Variants in TNFRSF11A observed in about 807,000 individuals in gnomAD.
The protein encoded by TNFRSF11A is tumor necrosis factor receptor superfamily member 11A.
TNFRSF11A carries 32 observed loss-of-function variants against 55.7 expected under a neutral mutation model. That is an observed-to-expected ratio of 0.57 (90% CI 0.43 to 0.77). The LOEUF (loss-of-function observed/expected upper bound fraction) is 0.77, where lower values mean the gene tolerates loss of function less well. Among genes scored for constraint, TNFRSF11A ranks in the 30% least tolerant of loss-of-function variants. TNFRSF11A has a pLI of 0.00. For missense variants in TNFRSF11A, 753 were observed against 809.8 expected, an observed-to-expected ratio of 0.93 and a Z score of 0.85; for synonymous variants, 311 against 331.0, an observed-to-expected ratio of 0.94 and a Z score of 0.65.
chr18:62,339,930 C>T (rs1476444443), intron 1 of TNFRSF11A, among the ~76,000 whole-genome samples: 1 of 152,086 alleles, frequency 6.6e-6, no homozygotes, highest in South Asian at 2.1e-4. Flanking sequence ...TAGAAGCTGA[C>T]CAGCTGTGAT....
At chr18:62,359,499 C>T (rs6567268) in intron 5 of TNFRSF11A, among the ~76,000 whole-genome samples, 44,857 of 152,006 alleles carry the variant, frequency 0.3, 6,975 homozygotes, top group Middle Eastern at 0.44. Context: ...CCTGCCTTTG[C>T]CTCCACAGTA....
chr18:62,336,690 A>G (rs1393398525), intron 1 of TNFRSF11A: 1 of 152,296 alleles, frequency 6.6e-6, no homozygotes, highest in Non-Finnish European at 1.5e-5. Context: ...GCATCGTAAC[A>G]TAAGGACAAG....
chr18:62,350,258 T>G (rs1233789754), intron 3 of TNFRSF11A, among the ~76,000 whole-genome samples: 1 of 152,214 alleles, frequency 6.6e-6, no homozygotes. Context: ...GTAGCCATAC[T>G]TATCCCTTTT....
At position 62,385,356 on chromosome 18, in the gene TNFRSF11A, C is replaced by CTA. The variant is rs200323455; in HGVS notation, c.*323_*324insAT. 0.19 allele frequency: 44,969 copies of CTA among 232,132 alleles called. 6,650 individuals carry two copies. Among genetic ancestry groups the CTA allele is most frequent in the Non-Finnish European group, 0.23 (26,974 of 118,648 alleles). 14.4% of individuals were successfully genotyped at this position (232,132 alleles called of 1,614,324 possible). On this transcript the variant is annotated 3_prime_UTR_variant, in exon 10 of 10. Coordinates refer to ENST00000586569, the MANE Select transcript of TNFRSF11A (RefSeq NM_003839.4). ...TATCCTGTTCTGTGGGGGGGGGGGT[C>CTA]TGTTTTCCCCCCATATTTGTATTCC... is the stretch of plus-strand genomic sequence containing the variant.
intron 9 of TNFRSF11A, chr18:62,373,869 ACT>A (rs1225762193): frequency 6.6e-6 from 1 of 152,064 alleles, no homozygotes; most frequent in Non-Finnish European, 1.5e-5. Flanking sequence ...CCCTGGTCCC[ACT>A]CTCTCTTGAA....
In TNFRSF11A at chr18:62,348,359, T is replaced by C. The variant is rs1443345985; in HGVS notation, c.157+110T>C. On this transcript the variant is annotated intron_variant, in intron 2 of 9. Coordinates refer to ENST00000586569, the MANE Select transcript of TNFRSF11A (RefSeq NM_003839.4). The stretch of plus-strand genomic sequence containing the variant: ...AAGAAATTGGATAGACGCGTTATGG[T>C]AGTGGCAGGTGGTAATGTCTGTCAC... 1.0e-5 allele frequency: 9 copies of C among 901,588 alleles called. No homozygotes were observed. In the East Asian group the frequency reaches 2.3e-4, roughly 23 times the overall value. 55.8% of individuals were successfully genotyped at this position (901,588 alleles called of 1,614,324 possible).
rs745445366 is a variant in TNFRSF11A at position 62,349,874 on chromosome 18, G to A, written c.220G>A (p.Asp74Asn). 6.2e-7 allele frequency: 1 copy of A among 1,614,156 alleles called. No individual in the cohort carries two copies. The highest frequency in any genetic ancestry group is 1.7e-5 in the Admixed American group (1 of 60,024). ...CAGTGTATGTCTGCCCTGTGGCCCG[G>A]ATGAATACTTGGATAGCTGGAATGA... ...SDSVCLPCGP[D>N]EYLDSWNEED... The change falls in exon 3 of 10, where the codon GAT becomes AAT. Residue 74 changes from aspartate (D) to asparagine (N), a missense_variant. Asp to Asn is a conservative substitution (Grantham distance 23). Transcript: ENST00000586569.
At chr18:62,332,724 C>G (rs1600347811) in intron 1 of TNFRSF11A, among the ~76,000 whole-genome samples, 1 of 150,548 alleles carries the variant, frequency 6.6e-6, no homozygotes, top group Non-Finnish European at 1.5e-5. Flanking sequence ...TCTTTGTAAA[C>G]TTTTTTTTTT....
intron 1 of TNFRSF11A, among the ~76,000 whole-genome samples, chr18:62,347,050 G>A (rs1268769429): frequency 1.3e-5 from 2 of 152,200 alleles, no homozygotes; most frequent in Non-Finnish European, 2.9e-5. Flanking sequence ...TATCCTGGAA[G>A]GCTGATTACT....
At chr18:62,339,435 T>G (rs1442656374) in intron 1 of TNFRSF11A, among the ~76,000 whole-genome samples, 32 of 152,226 alleles carry the variant, frequency 2.1e-4, no homozygotes, top group Non-Finnish European at 1.5e-5. Flanking sequence ...GACACCAGTC[T>G]GAGGCCAGGG....
intron 1 of TNFRSF11A, among the ~76,000 whole-genome samples, chr18:62,338,694 T>A (rs1210274228): frequency 2.0e-5 from 3 of 152,268 alleles, no homozygotes; most frequent in Non-Finnish European, 4.4e-5. Flanking sequence ...TAGTTAACGG[T>A]TACAGAGATT....
At position 62,390,289 on chromosome 18, in the gene TNFRSF11A, A is replaced by G. The variant is rs1247300745; in HGVS notation, c.*5255A>G. Reference sequence around the variant, plus strand: ...AAGTTGTCATCTTCTGACATGACACACTGAGGGAAGTAGACTTACCCAATA... The same window carrying G: ...AAGTTGTCATCTTCTGACATGACACGCTGAGGGAAGTAGACTTACCCAATA... On this transcript the variant is annotated 3_prime_UTR_variant, in exon 10 of 10. Transcript: ENST00000586569. 6.6e-6 allele frequency: 1 copy of G among 152,270 alleles called. No homozygotes were observed. Among genetic ancestry groups the G allele is most frequent in the African/African-American group, 2.4e-5 (1 of 41,458 alleles). The allele number at this position is 152,270 out of a possible 1,614,324, so 9.4% of individuals were successfully genotyped here.
Position 62,389,788 on chromosome 18 carries a change from G to C in TNFRSF11A, c.*4754G>C, listed in dbSNP as rs527774888. 6.6e-4 allele frequency: 100 copies of C among 152,304 alleles called. No homozygotes were observed. Among genetic ancestry groups the C allele is most frequent in the African/African-American group, 2.3e-3 (97 of 41,568 alleles). The allele number at this position is 152,304 out of a possible 1,614,324, so 9.4% of individuals were successfully genotyped here. A position where few individuals can be genotyped will look rare whatever the true frequency, so the allele number is the denominator to read the frequency against. On this transcript the variant is annotated 3_prime_UTR_variant, in exon 10 of 10. Coordinates refer to ENST00000586569, the MANE Select transcript of TNFRSF11A (RefSeq NM_003839.4). ...GTTAAAATGACAAAATTACAGGCCT[G>C]TTACCAGATCTTCGTACTAACCAAG...
chr18:62,376,921 T>C (rs76203518), intron 9 of TNFRSF11A, among the ~76,000 whole-genome samples: 2,954 of 152,308 alleles, frequency 0.019, 41 homozygotes, highest in Non-Finnish European at 0.029. Context: ...CTCTTTTCTT[T>C]TTTTATTTTT....
At position 62,359,993 on chromosome 18, in the gene TNFRSF11A, C is replaced by G. The variant is rs1267691927; in HGVS notation, c.560C>G (p.Thr187Arg). 1 of 1,614,056 alleles carries G rather than the reference C, an allele frequency of 6.2e-7. No homozygotes were observed. Among genetic ancestry groups the G allele is most frequent in the Admixed American group, 1.7e-5 (1 of 60,020 alleles). Residue 187 changes from threonine (T) to arginine (R), a missense_variant, in exon 6 of 10, where the codon ACA becomes AGA. Physicochemically the swap from Thr to Arg is moderately conservative, Grantham distance 71. Coordinates refer to ENST00000586569, the MANE Select transcript of TNFRSF11A (RefSeq NM_003839.4). ...FLGKRVEHHG[T>R]EKSDAVCSSS... The stretch of plus-strand genomic sequence containing the variant: ...GGAAAGAGAGTAGAACATCATGGGA[C>G]AGAGAAATCCGATGCGGTTTGCAGT...
At chr18:62,340,377 CTT>C (rs2046295128) in intron 1 of TNFRSF11A, among the ~76,000 whole-genome samples, 1 of 152,034 alleles carries the variant, frequency 6.6e-6, no homozygotes, top group East Asian at 2.0e-4. Context: ...CGCTACCACA[CTT>C]GGATAATTTT....
At position 62,387,120 on chromosome 18, in the gene TNFRSF11A, G is replaced by A. The variant is rs528958493; in HGVS notation, c.*2086G>A. Reference sequence around the variant, plus strand: ...ATAGTTTCCCTACCCAGAGATATTAGAAGTATGCTACAGTGAATGTTAAAG... The same window carrying A: ...ATAGTTTCCCTACCCAGAGATATTAAAAGTATGCTACAGTGAATGTTAAAG... On this transcript the variant is annotated 3_prime_UTR_variant, in exon 10 of 10. Coordinates refer to ENST00000586569, the MANE Select transcript of TNFRSF11A (RefSeq NM_003839.4). 56 of 152,234 alleles carry A rather than the reference G, an allele frequency of 3.7e-4. 1 individual carries two copies. The South Asian group carries it at 0.011, about 31-fold the overall frequency. 9.4% of individuals were successfully genotyped at this position (152,234 alleles called of 1,614,324 possible).
At chr18:62,355,351 C>G (rs892963606) in intron 4 of TNFRSF11A, among the ~76,000 whole-genome samples, 6 of 152,088 alleles carry the variant, frequency 3.9e-5, no homozygotes, top group African/African-American at 1.4e-4. Context: ...AATCTCGGCT[C>G]ACCGCAACCT....
intron 9 of TNFRSF11A, among the ~76,000 whole-genome samples, chr18:62,380,380 T>G (rs1271030750): frequency 1.3e-5 from 2 of 152,198 alleles, no homozygotes; most frequent in African/African-American, 4.8e-5. Context: ...TAAACTTGTT[T>G]TAGAATCTCC....
Sources: gnomAD v4.1 joint callset for allele counts (sites outside exome capture counted in the v4.1 genomes callset) on GRCh38, gnomAD v4.1.1 for gene constraint, MANE v1.5 for transcripts, NCBI Gene and HGNC (gene_info 2026-07-23, HGNC 2026-07-21) for gene names.